Variants in PKHD1 observed in about 807,000 individuals in gnomAD.
The protein encoded by PKHD1 is fibrocystin.
PKHD1 carries 291 observed loss-of-function variants against 412.0 expected under a neutral mutation model. The observed-to-expected ratio is 0.71, with a 90% CI of 0.64 to 0.78. PKHD1 has a LOEUF of 0.78. Among genes scored for constraint, PKHD1 ranks in the 30% least tolerant of loss-of-function variants. The pLI is 0.00. For missense variants in PKHD1, 4,825 were observed against 4,950.7 expected (o/e 0.97, Z 0.76); for synonymous variants, 1,777 against 1,821.5 (o/e 0.98, Z 0.62).
chr6:51,912,653 T>C (rs1296759493), intron 37 of PKHD1, 77 bp from the exon 38 acceptor site: 3 of 1,020,200 alleles, frequency 2.9e-6, no homozygotes, highest in Non-Finnish European at 3.1e-6. Context: ...CATTAATAAA[T>C]GTGATGTTAT....
At chr6:51,839,334 C>T (rs1197750303) in intron 50 of PKHD1, among the ~76,000 whole-genome samples, 2 of 152,080 alleles carry the variant, frequency 1.3e-5, no homozygotes, top group Admixed American at 6.6e-5. Flanking sequence ...GTTAATCTTC[C>T]GTGTTTATAA....
chr6:51,880,883 G>A (rs1453595202), intron 46 of PKHD1, among the ~76,000 whole-genome samples: 91 of 147,438 alleles, frequency 6.2e-4, no homozygotes, highest in Middle Eastern at 3.5e-3. Flanking sequence ...GGAGAATGGC[G>A]TGAACCCGGG....
intron 43 of PKHD1, among the ~76,000 whole-genome samples, chr6:51,889,122 A>C (rs1401186919): frequency 6.6e-6 from 1 of 152,074 alleles, no homozygotes; most frequent in African/African-American, 2.4e-5. Context: ...AATCCTGATC[A>C]CCTGGGGGTT....
intron 60 of PKHD1, among the ~76,000 whole-genome samples, chr6:51,663,664 G>A (rs1315317504): frequency 4.6e-5 from 7 of 152,082 alleles, no homozygotes; most frequent in East Asian, 3.9e-4. Context: ...ATCACTTTAT[G>A]TGTTCTTGTC....
intron 55 of PKHD1, 89 bp downstream of exon 55, chr6:51,772,613 A>G: frequency 1.5e-6 from 1 of 671,756 alleles, no homozygotes; most frequent in Admixed American, 2.4e-5. Context: ...GTTTAACCTA[A>G]AAATCAGTTT....
At chr6:51,825,543 C>A (rs1305951852) in intron 52 of PKHD1, among the ~76,000 whole-genome samples, 1 of 152,118 alleles carries the variant, frequency 6.6e-6, no homozygotes, top group Non-Finnish European at 1.5e-5. Context: ...CATCAAGGCC[C>A]AGCCATATGA....
intron 60 of PKHD1, among the ~76,000 whole-genome samples, chr6:51,671,389 T>G (rs1163607285): frequency 1.3e-5 from 2 of 152,242 alleles, no homozygotes; most frequent in Non-Finnish European, 2.9e-5. Flanking sequence ...GCCTTGGTTT[T>G]CAGCTCCATC....
intron 37 of PKHD1, among the ~76,000 whole-genome samples, chr6:51,920,992 G>T (rs544483842): frequency 7.9e-5 from 12 of 152,120 alleles, no homozygotes; most frequent in African/African-American, 2.9e-4. Flanking sequence ...TTTTTATTGT[G>T]TCTATTTGAT....
chr6:51,870,454 C>G (rs1343826641), intron 47 of PKHD1, 50 bp downstream of exon 47: 12 of 1,449,498 alleles, frequency 8.3e-6, no homozygotes, highest in Non-Finnish European at 1.2e-5. Context: ...ATAATACTGA[C>G]TTGAATATGG....
At chr6:52,029,097 G>A (rs531849344) in intron 29 of PKHD1, among the ~76,000 whole-genome samples, 72 of 152,220 alleles carry the variant, frequency 4.7e-4, no homozygotes, top group South Asian at 2.7e-3. Context: ...GTACTTTCAC[G>A]TATGTTATCC....
At chr6:51,858,839 A>G (rs528996139) in intron 48 of PKHD1, among the ~76,000 whole-genome samples, 145 of 152,330 alleles carry the variant, frequency 9.5e-4, no homozygotes, top group African/African-American at 3.3e-3. Flanking sequence ...GTCTACCTAG[A>G]AAAATCACAT....
At chr6:51,900,392 A>G (rs1781037473) in intron 43 of PKHD1, among the ~76,000 whole-genome samples, 1 of 152,206 alleles carries the variant, frequency 6.6e-6, no homozygotes, top group African/African-American at 2.4e-5. Context: ...CTGATCTTTG[A>G]CAAACCTGAG....
chr6:51,659,514 T>G lies in PKHD1; in HGVS notation c.10612A>C (p.Ile3538Leu), dbSNP rs771401045. The change falls in exon 61 of 67, where the codon ATC (isoleucine) becomes CTC (leucine). Residue 3538 changes from isoleucine (I) to leucine (L), a missense_variant. By Grantham distance (5) the Ile-to-Leu change is conservative. Transcript: ENST00000371117. Reference sequence around the variant, plus strand: ...ACAACATACAAGAGGTTATCCATGATGTTGAAATAGTTGGCACCAATAGAT... The same window carrying G: ...ACAACATACAAGAGGTTATCCATGAGGTTGAAATAGTTGGCACCAATAGAT... Reference protein sequence around the residue: ...NESIGANYFNIMDNLLYVVLQ... With the variant: ...NESIGANYFNLMDNLLYVVLQ... 4 of 1,613,662 alleles carry G rather than the reference T, an allele frequency of 2.5e-6. No individual in the cohort carries two copies. The highest frequency in any genetic ancestry group is 3.4e-6 in the Non-Finnish European group (4 of 1,179,794).
chr6:51,741,178 T>G, intron 60 of PKHD1: 1 of 518,974 alleles, frequency 1.9e-6, no homozygotes, highest in South Asian at 1.4e-5. Context: ...TATTACACCA[T>G]CTGGTAAGCA....
rs533860391 is a variant in PKHD1 at position 51,735,971 on chromosome 6, T to G, written c.10156+8414A>C. On this transcript the variant is annotated intron_variant, in intron 60 of 66. Transcript: ENST00000371117. ...ATAAAAATAAAAACACAGTTCAATC[T>G]GAACCTTGTTAATTAGCTTTAGGAC... 2.6e-5 allele frequency among the ~76,000 whole-genome samples: 4 copies of G among 152,282 alleles called. No individual in the cohort carries two copies. The East Asian group carries it at 7.7e-4, about 29-fold the overall frequency.
At chr6:51,901,286 A>T (rs1340507720) in intron 43 of PKHD1, among the ~76,000 whole-genome samples, 1 of 152,246 alleles carries the variant, frequency 6.6e-6, no homozygotes, top group Non-Finnish European at 1.5e-5. Flanking sequence ...TCCAACAATG[A>T]TAGACTGCAT....
At chr6:51,826,271 C>T (rs1767297615) in intron 52 of PKHD1, among the ~76,000 whole-genome samples, 1 of 152,088 alleles carries the variant, frequency 6.6e-6, no homozygotes, top group Admixed American at 6.6e-5. Context: ...TCAGAACAAA[C>T]AGAAGAGCTA....
chr6:51,810,503 A>G (rs1311216487), intron 52 of PKHD1, among the ~76,000 whole-genome samples: 3 of 152,144 alleles, frequency 2.0e-5, no homozygotes, highest in African/African-American at 7.2e-5. Context: ...GTTTTCCAAG[A>G]CTTGTGATTG....
chr6:52,032,881 GA>G, intron 29 of PKHD1, 148 bp downstream of exon 29: 3 of 720,388 alleles, frequency 4.2e-6, no homozygotes, highest in Non-Finnish European at 7.4e-6. Context: ...AGATTGATTC[GA>G]TGATGGCTAA....
Sources: allele counts gnomAD v4.1 joint callset (sites outside exome capture counted in the v4.1 genomes callset), GRCh38; gene constraint gnomAD v4.1.1; transcripts MANE v1.5; gene names NCBI Gene and HGNC (gene_info 2026-07-23, HGNC 2026-07-21).